The following SLC22A15 variants were observed in gnomAD, a reference collection of about 807,000 sequenced individuals.
SLC22A15 encodes solute carrier family 22 member 15, also known as flipt 1.
Under a neutral mutation model 62.7 loss-of-function variants are expected in SLC22A15, and 45 were observed. The observed-to-expected ratio is 0.72, with a 90% CI of 0.56 to 0.92. The LOEUF (loss-of-function observed/expected upper bound fraction) is 0.92, where lower values mean the gene tolerates loss of function less well. Among genes scored for constraint, SLC22A15 ranks in the 40% least tolerant of loss-of-function variants. SLC22A15 has a pLI of 0.00. For missense variants in SLC22A15, 622 were observed against 665.6 expected (o/e 0.93, Z 0.72); for synonymous variants, 264 against 267.0 (o/e 0.99, Z 0.11).
chr1:115,979,726 AT>A (rs1654521367), intron 1 of SLC22A15, among the ~76,000 whole-genome samples: 1 of 152,138 alleles, frequency 6.6e-6, no homozygotes, highest in Non-Finnish European at 1.5e-5. Context: ...TTGGAATACA[AT>A]TCATTGTTTC....
chr1:115,994,172 C>T (rs1655301946), intron 2 of SLC22A15, among the ~76,000 whole-genome samples: 1 of 152,064 alleles, frequency 6.6e-6, no homozygotes, highest in Non-Finnish European at 1.5e-5. Context: ...ATAGCAACCA[C>T]CAGCCCCACC....
chr1:116,050,231 C>G (rs988296723), intron 8 of SLC22A15, among the ~76,000 whole-genome samples: 15 of 152,266 alleles, frequency 9.9e-5, no homozygotes, highest in African/African-American at 3.4e-4. Flanking sequence ...GGAACCTTCC[C>G]TAACTCATTC....
intron 8 of SLC22A15, among the ~76,000 whole-genome samples, chr1:116,058,030 A>C (rs1400760786): frequency 1.3e-5 from 2 of 150,902 alleles, no homozygotes; most frequent in Admixed American, 6.7e-5. Context: ...CACATTGTGC[A>C]CATGTACCCT....
rs1658569327 is a variant in SLC22A15, at chr1:116,069,455, TG to T, written c.*2348del. On this transcript the variant is annotated 3_prime_UTR_variant, in exon 12 of 12. Coordinates refer to ENST00000369503, the MANE Select transcript of SLC22A15 (RefSeq NM_018420.3). ...TGCGGATGGTTTGTAAAAAGTATCCTGTTTTTTTAATTCTATTCAAAATTAA... is the reference window on the plus strand; with the variant it reads ...TGCGGATGGTTTGTAAAAAGTATCCTTTTTTTTAATTCTATTCAAAATTAA... 6.6e-6 allele frequency: 1 copy of T among 152,182 alleles called. No individual in the cohort carries two copies. The highest frequency in any genetic ancestry group is 2.4e-5 in the African/African-American group (1 of 41,456). The allele number at this position is 152,182 out of a possible 1,614,324, so 9.4% of individuals were successfully genotyped here. A position where few individuals can be genotyped will look rare whatever the true frequency, so the allele number is the denominator to read the frequency against.
At chr1:116,057,383 T>C (rs1391787889) in intron 8 of SLC22A15, among the ~76,000 whole-genome samples, 1 of 151,290 alleles carries the variant, frequency 6.6e-6, no homozygotes, top group Non-Finnish European at 1.5e-5. Flanking sequence ...GTTAGAATGG[T>C]GATCATTAAA....
intron 8 of SLC22A15, among the ~76,000 whole-genome samples, chr1:116,042,872 T>C (rs1263364731): frequency 6.6e-6 from 1 of 152,208 alleles, no homozygotes; most frequent in Non-Finnish European, 1.5e-5. Flanking sequence ...ATGTATTCCA[T>C]TTGAAGTGCA....
chr1:116,045,738 C>CAAAAAA (rs34360597), intron 8 of SLC22A15, among the ~76,000 whole-genome samples: 4 of 101,656 alleles, frequency 3.9e-5, no homozygotes, highest in African/African-American at 7.6e-5. Flanking sequence ...GACTCCATCT[C>CAAAAAA]AAAAAAAAAA....
chr1:116,050,792 T>C (rs1658032127), intron 8 of SLC22A15, among the ~76,000 whole-genome samples: 1 of 152,192 alleles, frequency 6.6e-6, no homozygotes, highest in African/African-American at 2.4e-5. Context: ...TGTCACCGTT[T>C]GCTGATGATA....
At chr1:116,018,521 C>T (rs996824423) in intron 2 of SLC22A15, among the ~76,000 whole-genome samples, 2 of 152,102 alleles carry the variant, frequency 1.3e-5, no homozygotes, top group Admixed American at 6.5e-5. Flanking sequence ...TCCACCACCA[C>T]GCCCGGCTAA....
chr1:115,984,561 C>G (rs1654763574), intron 1 of SLC22A15, among the ~76,000 whole-genome samples: 1 of 152,136 alleles, frequency 6.6e-6, no homozygotes, highest in Non-Finnish European at 1.5e-5. Flanking sequence ...TTCCTATTGC[C>G]TAGTATTTCC....
chr1:116,037,213 A>G, intron 7 of SLC22A15, 90 bp from the exon 8 acceptor site: 1 of 1,141,340 alleles, frequency 8.8e-7, no homozygotes, highest in South Asian at 1.3e-5. Flanking sequence ...ATATAATGAA[A>G]CTGAAGATTT....
intron 2 of SLC22A15, among the ~76,000 whole-genome samples, chr1:116,005,262 A>G (rs1655920101): frequency 6.6e-6 from 1 of 152,156 alleles, no homozygotes. Context: ...TCCTTTTGAC[A>G]TGCCTATCAT....
At chr1:116,044,197 A>C in intron 8 of SLC22A15, among the ~76,000 whole-genome samples, 1 of 152,236 alleles carries the variant, frequency 6.6e-6, no homozygotes, top group East Asian at 1.9e-4. Flanking sequence ...TGGATGTAAA[A>C]ATCTTAAACA....
chr1:115,996,574 A>G (rs1384250048), intron 2 of SLC22A15, among the ~76,000 whole-genome samples: 1 of 148,540 alleles, frequency 6.7e-6, no homozygotes, highest in African/African-American at 2.5e-5. Context: ...ACATCTAAAT[A>G]TTTCTTTTTC....
chr1:115,995,643 T>C (rs866836786), intron 2 of SLC22A15, among the ~76,000 whole-genome samples: 2 of 152,196 alleles, frequency 1.3e-5, no homozygotes, highest in Non-Finnish European at 2.9e-5. Flanking sequence ...CTCCCTTGTC[T>C]GTCTGTCTGT....
chr1:116,007,969 G>C (rs894638367), intron 2 of SLC22A15, among the ~76,000 whole-genome samples: 1 of 152,088 alleles, frequency 6.6e-6, no homozygotes, highest in Non-Finnish European at 1.5e-5. Context: ...CTCTGCCACC[G>C]CCAGCCATTT....
intron 10 of SLC22A15, among the ~76,000 whole-genome samples, chr1:116,065,922 A>C (rs1026460388): frequency 4.6e-5 from 7 of 152,216 alleles, no homozygotes; most frequent in African/African-American, 1.4e-4. Context: ...TATGTTTTGG[A>C]TCTCTGAAAC....
intron 5 of SLC22A15, 182 bp downstream of exon 5, chr1:116,027,204 AT>A (rs1216228536): frequency 1.5e-6 from 1 of 665,510 alleles, no homozygotes; most frequent in Non-Finnish European, 2.8e-6. Context: ...TGCTTAATTA[AT>A]TCAGAATGCA....
At chr1:116,014,565 T>C (rs1036451286) in intron 2 of SLC22A15, among the ~76,000 whole-genome samples, 36 of 152,298 alleles carry the variant, frequency 2.4e-4, no homozygotes, top group African/African-American at 7.7e-4. Context: ...AAAAGTAGAT[T>C]TCCTGCTTTT....
Sources: gnomAD v4.1 joint callset for allele counts (sites outside exome capture counted in the v4.1 genomes callset) on GRCh38, gnomAD v4.1.1 for gene constraint, MANE v1.5 for transcripts, NCBI Gene and HGNC (gene_info 2026-07-23, HGNC 2026-07-21) for gene names.